The following PDE8B variants were observed in gnomAD, a reference collection of about 807,000 sequenced individuals.
PDE8B encodes the protein phosphodiesterase 8B, also known as high affinity cAMP-specific and IBMX-insensitive 3',5'-cyclic phosphodiesterase 8B.
Under a neutral mutation model 101.3 loss-of-function variants are expected in PDE8B, and 26 were observed. The observed-to-expected ratio is 0.26, with a 90% CI of 0.19 to 0.36. The LOEUF is 0.36. Ranked by LOEUF, PDE8B falls within the 10% of genes least tolerant of loss-of-function variation. The pLI, the probability that PDE8B is intolerant of heterozygous loss-of-function variation, is 1.00. For synonymous variants in PDE8B, 424 were observed against 429.3 expected (o/e 0.99, Z 0.15); for missense variants, 810 against 1,163.1 (o/e 0.70, Z 4.42).
At chr5:77,313,401 T>A (rs1773120632) in intron 2 of PDE8B, among the ~76,000 whole-genome samples, 1 of 152,090 alleles carries the variant, frequency 6.6e-6, no homozygotes, top group Non-Finnish European at 1.5e-5. Context: ...TTGTATAGAA[T>A]ACAAACAAAT....
intron 10 of PDE8B, among the ~76,000 whole-genome samples, chr5:77,381,764 G>A (rs1024047852): frequency 5.3e-5 from 8 of 152,234 alleles, no homozygotes; most frequent in African/African-American, 1.9e-4. Context: ...GAGAACTTGG[G>A]AGCAGGGGAA....
intron 10 of PDE8B, among the ~76,000 whole-genome samples, chr5:77,362,444 C>T (rs1396072365): frequency 6.6e-6 from 1 of 152,182 alleles, no homozygotes; most frequent in African/African-American, 2.4e-5. Flanking sequence ...GCTATGTGGC[C>T]ATATGCTAAA....
the PDE8B span, chr5:77,118,422 G>A: frequency 5.0e-6 from 2 of 398,768 alleles, no homozygotes; most frequent in Admixed American, 4.4e-5. Flanking sequence ...GGGCCTGGAT[G>A]CTGGAGAGTC....
At chr5:77,407,001 A>G (rs1002700912) in intron 12 of PDE8B, among the ~76,000 whole-genome samples, 35 of 152,162 alleles carry the variant, frequency 2.3e-4, no homozygotes, top group African/African-American at 8.0e-4. Context: ...TTACACGGCC[A>G]GCAGCTTAGG....
At chr5:77,421,634 A>G (rs1796663599) in intron 19 of PDE8B, among the ~76,000 whole-genome samples, 187 bp from the exon 20 acceptor site, 1 of 152,144 alleles carries the variant, frequency 6.6e-6, no homozygotes, top group Non-Finnish European at 1.5e-5. Flanking sequence ...AGACTGTATC[A>G]GTATATTCTT....
chr5:77,088,582 T>G, the PDE8B span: 2 of 148,980 alleles, frequency 1.3e-5, no homozygotes, highest in Non-Finnish European at 3.0e-5. Context: ...GGAAAGGGGG[T>G]GGAGTAGGGA....
At chr5:77,424,833 G>GTTT (rs557961807) in intron 20 of PDE8B, among the ~76,000 whole-genome samples, 1 of 146,904 alleles carries the variant, frequency 6.8e-6, no homozygotes, top group Non-Finnish European at 1.5e-5. Flanking sequence ...TTTGTTTTTT[G>GTTT]TTTTTAATGT....
the PDE8B span, among the ~76,000 whole-genome samples, chr5:77,156,672 A>T: frequency 2.0e-5 from 3 of 152,136 alleles, no homozygotes; most frequent in African/African-American, 7.2e-5. Context: ...AGAAAACAGG[A>T]TCACAGTGAG....
the PDE8B span, among the ~76,000 whole-genome samples, chr5:77,132,210 T>C: frequency 6.6e-6 from 1 of 152,190 alleles, no homozygotes; most frequent in South Asian, 2.1e-4. Flanking sequence ...GATAAAAGAT[T>C]TGCAACCAAA....
At chr5:77,271,496 CT>C (rs905274504) in intron 1 of PDE8B, among the ~76,000 whole-genome samples, 1 of 152,130 alleles carries the variant, frequency 6.6e-6, no homozygotes, top group African/African-American at 2.4e-5. Context: ...TCAGGTTGAA[CT>C]GTGGAATGAA....
chr5:77,088,926 T>G, the PDE8B span: 1 of 152,196 alleles, frequency 6.6e-6, no homozygotes, highest in African/African-American at 2.4e-5. Context: ...CTACTGTCCC[T>G]ATCAACAATA....
chr5:77,116,521 C>A, the PDE8B span, among the ~76,000 whole-genome samples: 1 of 152,106 alleles, frequency 6.6e-6, no homozygotes, highest in Non-Finnish European at 1.5e-5. Flanking sequence ...GGATTACAGG[C>A]GTAAGCCACC....
intron 1 of PDE8B, among the ~76,000 whole-genome samples, chr5:77,268,850 A>G (rs1466629869): frequency 1.3e-5 from 2 of 150,100 alleles, no homozygotes; most frequent in Admixed American, 6.6e-5. Context: ...ATGTGGTAAC[A>G]TTTTCTTTAT....
At chr5:77,195,517 TTTATTTA>T in the PDE8B span, among the ~76,000 whole-genome samples, 1 of 152,146 alleles carries the variant, frequency 6.6e-6, no homozygotes, top group Non-Finnish European at 1.5e-5. Context: ...TAGTTTTGAC[TTTATTTA>T]CATTCATTTT....
chr5:77,305,894 G>T (rs1227288856), intron 1 of PDE8B, among the ~76,000 whole-genome samples: 1 of 152,194 alleles, frequency 6.6e-6, no homozygotes, highest in Non-Finnish European at 1.5e-5. Flanking sequence ...GTCACAAAGT[G>T]CAAGTCAAGC....
intron 3 of PDE8B, among the ~76,000 whole-genome samples, chr5:77,326,737 A>G (rs1289339823): frequency 6.6e-6 from 1 of 152,154 alleles, no homozygotes; most frequent in Non-Finnish European, 1.5e-5. Context: ...AATATTTTTG[A>G]TGATTTTATA....
chr5:77,213,927 A>T (rs1205248836), intron 1 of PDE8B: 2 of 152,626 alleles, frequency 1.3e-5, no homozygotes, highest in African/African-American at 4.8e-5. Context: ...TGCAAAAAAA[A>T]AAGGGTTATA....
rs1554093056 is a variant in PDE8B at position 77,378,049 on chromosome 5, C to CACACACAT, written c.1168-22199_1168-22198insACACACAT. 3.4e-3 allele frequency among the ~76,000 whole-genome samples: 502 copies of CACACACAT among 148,476 alleles called. 7 individuals carry two copies. The highest frequency in any genetic ancestry group is 0.011 in the African/African-American group (452 of 39,740). On this transcript the variant is annotated intron_variant, in intron 10 of 21. Transcript: ENST00000264917. ...ACACACACACACACACACACACACA[C>CACACACAT]CCCCTGTTGGTTCTTTGTCTAGAGA... is the stretch of plus-strand genomic sequence containing the variant.
At chr5:77,194,416 CT>C in the PDE8B span, among the ~76,000 whole-genome samples, 1 of 152,118 alleles carries the variant, frequency 6.6e-6, no homozygotes, top group African/African-American at 2.4e-5. Context: ...ATCACATTGA[CT>C]TTTTTATTGT....
Sources: gnomAD v4.1 joint callset for allele counts (sites outside exome capture counted in the v4.1 genomes callset) on GRCh38, gnomAD v4.1.1 for gene constraint, MANE v1.5 for transcripts, NCBI Gene and HGNC (gene_info 2026-07-23, HGNC 2026-07-21) for gene names.